CCDC171: variants seen among roughly 807,000 people sequenced by gnomAD.
CCDC171 encodes coiled-coil domain-containing protein 171.
CCDC171 carries 177 observed loss-of-function variants against 168.2 expected under a neutral mutation model. The ratio of observed to expected loss-of-function variants is 1.05; its 90% CI spans 0.93 to 1.19. The LOEUF is 1.19. CCDC171 is among the 50% of genes most tolerant of loss of function. The probability of loss-of-function intolerance (pLI) is 0.00; values close to 1 mark genes in which losing one functional copy is unlikely to be tolerated. For synonymous variants in CCDC171, 687 were observed against 540.8 expected, an observed-to-expected ratio of 1.27 and a Z score of -3.75; for missense variants, 1,991 against 1,539.0, an observed-to-expected ratio of 1.29 and a Z score of -4.91.
intron 25 of CCDC171, chr9:15,922,096 T>A (rs746633128): frequency 3.3e-6 from 1 of 304,252 alleles, no homozygotes; most frequent in African/African-American, 2.1e-5. Context: ...TTTTCCCCTT[T>A]GAACATATCT....
At position 15,729,777 on chromosome 9, in the gene CCDC171, G is replaced by C. The variant is rs764439362; in HGVS notation, c.2028G>C (p.Leu676=). 4 of 1,610,462 alleles carry C rather than the reference G, an allele frequency of 2.5e-6. No homozygotes were observed. In the Admixed American group the frequency reaches 6.7e-5, roughly 27 times the overall value. The change falls in exon 16 of 26, where the codon CTG becomes CTC. Residue 676 remains leucine, a synonymous_variant. Transcript: ENST00000380701. ...ELELQYSELF[L]EVQKRAQKFQ... The stretch of plus-strand genomic sequence containing the variant: ...AGCTGCAGTATTCTGAACTCTTCCT[G>C]GAGGTGCAGAAGAGGGCACAGGTAT...
At chr9:15,824,322 T>C (rs1241730277) in intron 21 of CCDC171, among the ~76,000 whole-genome samples, 2 of 151,992 alleles carry the variant, frequency 1.3e-5, no homozygotes, top group Non-Finnish European at 2.9e-5. Context: ...CAAATAATTA[T>C]ACATTTACAT....
chr9:15,740,560 A>G (rs190970906), intron 16 of CCDC171, among the ~76,000 whole-genome samples: 2 of 152,066 alleles, frequency 1.3e-5, no homozygotes, highest in East Asian at 1.9e-4. Context: ...TCAGCTTCCC[A>G]AGTAGCTGGG....
At chr9:15,836,827 G>A (rs1034532724) in intron 21 of CCDC171, among the ~76,000 whole-genome samples, 12 of 152,256 alleles carry the variant, frequency 7.9e-5, no homozygotes, top group African/African-American at 2.9e-4. Context: ...GATTTACATC[G>A]TCAAATTTCG....
intron 18 of CCDC171, among the ~76,000 whole-genome samples, chr9:15,751,038 CCCAAAAT>C (rs1391299262): frequency 2.0e-5 from 3 of 152,142 alleles, no homozygotes; most frequent in African/African-American, 7.2e-5. Flanking sequence ...ATCGTCTCAG[CCCAAAAT>C]CTCCTTAAGC....
intron 8 of CCDC171, among the ~76,000 whole-genome samples, chr9:15,663,598 C>CT (rs1364131390): frequency 9.8e-6 from 1 of 101,600 alleles, no homozygotes; most frequent in Non-Finnish European, 1.9e-5. Flanking sequence ...AGAGAATTTT[C>CT]TTTTTTTTTC....
At chr9:16,002,195 T>TA (rs1443218153) in intron 3 of CCDC171, among the ~76,000 whole-genome samples, 5 of 149,814 alleles carry the variant, frequency 3.3e-5, no homozygotes, top group African/African-American at 7.4e-5. Context: ...CTTTTTTTTT[T>TA]AAAAAAAGTT....
At chr9:15,703,466 G>C (rs2051951379) in intron 11 of CCDC171, among the ~76,000 whole-genome samples, 1 of 152,108 alleles carries the variant, frequency 6.6e-6, no homozygotes, top group South Asian at 2.1e-4. Context: ...ACCTCCATGA[G>C]ATCAATTTTT....
At chr9:15,568,953 C>T (rs1453240816) in intron 2 of CCDC171, among the ~76,000 whole-genome samples, 2 of 152,122 alleles carry the variant, frequency 1.3e-5, no homozygotes, top group South Asian at 2.1e-4. Context: ...TAGGCATCTT[C>T]GTCATGACAT....
At chr9:15,853,483 T>G (rs1407320887) in intron 23 of CCDC171, among the ~76,000 whole-genome samples, 1 of 151,642 alleles carries the variant, frequency 6.6e-6, no homozygotes, top group Non-Finnish European at 1.5e-5. Context: ...GCTCTAGTAG[T>G]TTTTGTATGC....
intron 1 of CCDC171, among the ~76,000 whole-genome samples, chr9:15,563,013 T>G (rs934037829): frequency 6.6e-6 from 1 of 152,176 alleles, no homozygotes; most frequent in Admixed American, 6.6e-5. Flanking sequence ...AACCCTCACG[T>G]AAGATAACTT....
At chr9:15,935,933 T>C (rs1827059625) in intron 25 of CCDC171, among the ~76,000 whole-genome samples, 1 of 152,116 alleles carries the variant, frequency 6.6e-6, no homozygotes. Flanking sequence ...AGTTTTACAA[T>C]GGCCTCTGGG....
At chr9:16,100,264 T>C in the CCDC171 span, among the ~76,000 whole-genome samples, 1 of 152,180 alleles carries the variant, frequency 6.6e-6, no homozygotes, top group South Asian at 2.1e-4. Flanking sequence ...TTAATTCTAA[T>C]AATGCATTGA....
intron 7 of CCDC171, among the ~76,000 whole-genome samples, chr9:15,653,893 C>T (rs1564145430): frequency 6.6e-6 from 1 of 152,176 alleles, no homozygotes; most frequent in East Asian, 1.9e-4. Flanking sequence ...ACGGGGGCCA[C>T]TGTGCCTGGC....
chr9:15,746,271 G>T (rs1344600711), intron 18 of CCDC171, among the ~76,000 whole-genome samples: 1 of 152,170 alleles, frequency 6.6e-6, no homozygotes, highest in African/African-American at 2.4e-5. Context: ...ATGGACTTAA[G>T]ATTTGTCTGT....
intron 24 of CCDC171, among the ~76,000 whole-genome samples, chr9:15,910,254 T>C (rs1823424410): frequency 6.6e-6 from 1 of 152,170 alleles, no homozygotes. Context: ...TGACTTCATA[T>C]CTTTGTTATT....
chr9:16,095,867 CACAT>C, the CCDC171 span, among the ~76,000 whole-genome samples: 5 of 52,784 alleles, frequency 9.5e-5, no homozygotes, highest in African/African-American at 2.5e-4. Context: ...CACACATAGG[CACAT>C]ATATATATAT....
intron 25 of CCDC171, among the ~76,000 whole-genome samples, chr9:15,933,396 T>G (rs1826750450): frequency 6.6e-6 from 1 of 151,924 alleles, no homozygotes; most frequent in South Asian, 2.1e-4. Context: ...ATTTATTTTT[T>G]CTTTCTTTTT....
At chr9:15,563,763 G>A (rs2039502815) in intron 1 of CCDC171, among the ~76,000 whole-genome samples, 2 of 152,152 alleles carry the variant, frequency 1.3e-5, no homozygotes, top group African/African-American at 4.8e-5. Flanking sequence ...TGTAGGAGCT[G>A]TTAGTCATTT....
Sources: gnomAD v4.1 joint callset for allele counts (sites outside exome capture counted in the v4.1 genomes callset) on GRCh38, gnomAD v4.1.1 for gene constraint, MANE v1.5 for transcripts, NCBI Gene and HGNC (gene_info 2026-07-23, HGNC 2026-07-21) for gene names.